COPG2: variants seen among roughly 807,000 people sequenced by gnomAD.
COPG2 encodes the protein coat protein complex I subunit gamma 2, also known as coatomer subunit gamma-2.
In COPG2, 37 loss-of-function variants were observed where a neutral mutation model predicts 46.3. The observed-to-expected ratio is 0.80, with a 90% CI of 0.61 to 1.05. The LOEUF (loss-of-function observed/expected upper bound fraction) is 1.05. COPG2 is among the 50% of genes least tolerant of loss of function. The probability of loss-of-function intolerance (pLI) is 0.00; values close to 1 mark genes in which losing one functional copy is unlikely to be tolerated. For synonymous variants in COPG2, 159 were observed against 129.7 expected, an observed-to-expected ratio of 1.23 and a Z score of -1.53; for missense variants, 427 against 387.8, an observed-to-expected ratio of 1.10 and a Z score of -0.85.
intron 20 of COPG2, among the ~76,000 whole-genome samples, chr7:130,512,334 C>CA (rs1425805401): frequency 6.7e-6 from 1 of 149,208 alleles, no homozygotes; most frequent in South Asian, 2.1e-4. Context: ...CAAAAAACAA[C>CA]AAAAAAGCTA....
intron 20 of COPG2, among the ~76,000 whole-genome samples, chr7:130,538,139 G>C (rs1352142842): frequency 6.6e-6 from 1 of 152,116 alleles, no homozygotes; most frequent in African/African-American, 2.4e-5. Context: ...TGAGTCTGTG[G>C]ATTGACCTGG....
At chr7:130,558,138 T>G in intron 12 of COPG2, among the ~76,000 whole-genome samples, 2 of 152,012 alleles carry the variant, frequency 1.3e-5, no homozygotes, top group East Asian at 3.9e-4. Context: ...TTAAAATAAT[T>G]TTTTTTTAGA....
chr7:130,620,692 C>T (rs892909518), intron 5 of COPG2, among the ~76,000 whole-genome samples: 1 of 152,036 alleles, frequency 6.6e-6, no homozygotes, highest in Admixed American at 6.6e-5. Context: ...TGAATCATAC[C>T]CAGAAACTCA....
chr7:130,513,759 G>A (rs1459633779), intron 20 of COPG2, among the ~76,000 whole-genome samples: 7 of 152,144 alleles, frequency 4.6e-5, no homozygotes, highest in Admixed American at 2.0e-4. Context: ...TGGAGGTGAC[G>A]AGGAAGAAAA....
At chr7:130,544,046 G>C (rs1476111374) in intron 20 of COPG2, among the ~76,000 whole-genome samples, 1 of 152,182 alleles carries the variant, frequency 6.6e-6, no homozygotes, top group African/African-American at 2.4e-5. Flanking sequence ...GCAAATTCTA[G>C]TGATAAAGGA....
intron 3 of COPG2, among the ~76,000 whole-genome samples, chr7:130,664,248 TA>T (rs1373010371): frequency 6.6e-6 from 1 of 152,226 alleles, no homozygotes; most frequent in Non-Finnish European, 1.5e-5. Flanking sequence ...AGATTCCACA[TA>T]AAATATAACT....
rs1297551687 is a variant in COPG2 at position 130,599,483 on chromosome 7, G to T, written c.737+11470C>A. On this transcript the variant is annotated intron_variant, in intron 9 of 23. Coordinates refer to ENST00000425248, the MANE Select transcript of COPG2 (RefSeq NM_012133.6). ...TCAGAGACATCGCCACCTTTTCCTA[G>T]AGATTTTCATAAATATTCTACCCCT... Among the ~76,000 whole-genome samples the T allele has an allele frequency of 2.0e-5, 3 of 152,232 alleles. No homozygotes were observed. The East Asian group carries it at 5.8e-4, about 29-fold the overall frequency.
chr7:130,621,606 C>T (rs1242188413), intron 5 of COPG2, among the ~76,000 whole-genome samples: 2 of 152,068 alleles, frequency 1.3e-5, no homozygotes, highest in South Asian at 4.1e-4. Flanking sequence ...GTCAGGGGTT[C>T]AAGACCAGCC....
At chr7:130,627,450 C>A (rs976467215) in intron 5 of COPG2, among the ~76,000 whole-genome samples, 2 of 152,178 alleles carry the variant, frequency 1.3e-5, no homozygotes, top group African/African-American at 2.4e-5. Flanking sequence ...CCCTCTTCAG[C>A]ACAGCAAGAG....
At chr7:130,541,406 A>AAGG (rs1799935850) in intron 20 of COPG2, among the ~76,000 whole-genome samples, 3 of 151,618 alleles carry the variant, frequency 2.0e-5, no homozygotes, top group Non-Finnish European at 4.4e-5. Context: ...CACGGGCCTT[A>AAGG]AGGAGGGAGG....
Position 130,507,360 on chromosome 7 carries a change from T to A in COPG2, c.2399A>T (p.Asn800Ile), listed in dbSNP as rs782367793. The change falls in exon 23 of 24, where the codon AAT becomes ATT. Residue 800 changes from asparagine to isoleucine, a missense_variant. Transcript: ENST00000425248. ...CTGCATGCCCAGAAATGTGATGATA[T>A]TGTTGACAGCCTCTGTGTTGAGAAG... ...STKTLEEAVN[N>I]IITFLGMQPC... 4 of 780,644 alleles carry A rather than the reference T, an allele frequency of 5.1e-6. No individual in the cohort carries two copies. Among genetic ancestry groups the A allele is most frequent in the Non-Finnish European group, 9.6e-6 (4 of 417,828 alleles). 48.4% of individuals were successfully genotyped at this position (780,644 alleles called of 1,614,324 possible). A position where few individuals can be genotyped will look rare whatever the true frequency, so the allele number is the denominator to read the frequency against.
chr7:130,563,627 G>A (rs1388633023), intron 10 of COPG2, among the ~76,000 whole-genome samples: 18 of 151,016 alleles, frequency 1.2e-4, no homozygotes, highest in Non-Finnish European at 2.4e-4. Flanking sequence ...CTTTTGGGGC[G>A]CCTGTAGTCC....
chr7:130,526,207 A>T (rs1260834788), intron 20 of COPG2, among the ~76,000 whole-genome samples: 1 of 152,176 alleles, frequency 6.6e-6, no homozygotes, highest in Non-Finnish European at 1.5e-5. Flanking sequence ...GCTGGCCTGA[A>T]TCAGTGGAAG....
rs1793469606 is a variant in COPG2 at position 130,547,780 on chromosome 7, T to C, written c.2043A>G (p.Ser681=). ...TACAAGACAGCACTTCATAGGAATC[T>C]GATGGCTCCATCTGCACTGTCACTT... ...LEKVTVQMEP[S]DSYEVLSCIP... Residue 681 remains serine (S), a synonymous_variant, in exon 20 of 24, where the codon TCA becomes TCG. Coordinates refer to ENST00000425248, the MANE Select transcript of COPG2 (RefSeq NM_012133.6). The C allele has an allele frequency of 1.0e-5, 4 of 398,868 alleles. No homozygotes were observed. Among genetic ancestry groups the C allele is most frequent in the African/African-American group, 2.1e-5 (1 of 48,636 alleles). 24.7% of individuals were successfully genotyped at this position (398,868 alleles called of 1,614,324 possible).
At position 130,507,812 on chromosome 7, in the gene COPG2, G is replaced by A. The variant is rs781921166; in HGVS notation, c.2259C>T (p.Leu753=). 1.4e-5 allele frequency: 11 copies of A among 780,226 alleles called. No homozygotes were observed. The highest frequency in any genetic ancestry group is 5.4e-5 in the South Asian group (4 of 74,552). 48.3% of individuals were successfully genotyped at this position (780,226 alleles called of 1,614,324 possible). A position where few individuals can be genotyped will look rare whatever the true frequency, so the allele number is the denominator to read the frequency against. Residue 753 remains leucine, a synonymous_variant, in exon 22 of 24, where the codon CTC becomes CTT. Coordinates refer to ENST00000425248, the MANE Select transcript of COPG2 (RefSeq NM_012133.6). ...GYDDEYVLED[L]EVTVSDHIQK... ...GAATATGGTCAGACACAGTCACTTCGAGATCTTCCAGCTAGTGGGTAATAA... is the reference window on the plus strand; with the variant it reads ...GAATATGGTCAGACACAGTCACTTCAAGATCTTCCAGCTAGTGGGTAATAA...
intron 9 of COPG2, chr7:130,605,920 G>GT: frequency 2.6e-6 from 1 of 380,952 alleles, no homozygotes; most frequent in South Asian, 2.0e-5. Context: ...TTTGGTACCT[G>GT]TAAGTGAAGT....
At chr7:130,545,396 T>G (rs1273782206) in intron 20 of COPG2, among the ~76,000 whole-genome samples, 1 of 152,140 alleles carries the variant, frequency 6.6e-6, no homozygotes, top group Non-Finnish European at 1.5e-5. Flanking sequence ...AGGAAAAATA[T>G]TATTTTTCTG....
At position 130,575,488 on chromosome 7, in the gene COPG2, C is replaced by A. The variant is rs534575028; in HGVS notation, c.738-11095G>T. Among the ~76,000 whole-genome samples the A allele has an allele frequency of 2.4e-4, 36 of 152,240 alleles. 1 individual carries two copies. In the South Asian group the frequency reaches 4.4e-3, roughly 18 times the overall value. On this transcript the variant is annotated intron_variant, in intron 9 of 23. Transcript: ENST00000425248. Reference sequence around the variant, plus strand: ...TATAAAGGAAAGATACAGTCTTTTTCAGACAAACAAATGCTGAGAGAATTT... The same window carrying A: ...TATAAAGGAAAGATACAGTCTTTTTAAGACAAACAAATGCTGAGAGAATTT...
At chr7:130,535,037 T>C (rs914947692) in intron 20 of COPG2, among the ~76,000 whole-genome samples, 75 of 151,874 alleles carry the variant, frequency 4.9e-4, no homozygotes, top group East Asian at 3.5e-3. Context: ...GGAGGAGCAA[T>C]AGAAAACAGT....
Sources: gnomAD v4.1 joint callset for allele counts (sites outside exome capture counted in the v4.1 genomes callset) on GRCh38, gnomAD v4.1.1 for gene constraint, MANE v1.5 for transcripts, NCBI Gene and HGNC (gene_info 2026-07-23, HGNC 2026-07-21) for gene names.